Variants in MTHFD2L observed in about 807,000 individuals in gnomAD.
The protein encoded by MTHFD2L is methylenetetrahydrofolate dehydrogenase (NADP+ dependent) 2 like, also known as bifunctional methylenetetrahydrofolate dehydrogenase/cyclohydrolase 2, mitochondrial.
Under a neutral mutation model 34.9 loss-of-function variants are expected in MTHFD2L, and 29 were observed. The ratio of observed to expected loss-of-function variants is 0.83; its 90% CI spans 0.62 to 1.13. The LOEUF is 1.13. MTHFD2L is among the 50% of genes most tolerant of loss of function. The pLI is 0.00. For synonymous variants in MTHFD2L, 167 were observed against 155.7 expected, an observed-to-expected ratio of 1.07 and a Z score of -0.54; for missense variants, 481 against 446.5, an observed-to-expected ratio of 1.08 and a Z score of -0.70.
intron 3 of MTHFD2L, among the ~76,000 whole-genome samples, chr4:74,192,773 T>C (rs1732778844): frequency 6.6e-6 from 1 of 152,048 alleles, no homozygotes. Context: ...TTTAAAATGT[T>C]ATTTATTAAA....
intron 5 of MTHFD2L, among the ~76,000 whole-genome samples, chr4:74,205,447 C>T (rs564707371): frequency 5.9e-5 from 9 of 152,180 alleles, no homozygotes; most frequent in South Asian, 2.1e-4. Context: ...CCTAGTGATT[C>T]GTTTTTGTCT....
At chr4:74,206,669 A>G (rs999220493) in intron 5 of MTHFD2L, among the ~76,000 whole-genome samples, 9 of 151,956 alleles carry the variant, frequency 5.9e-5, no homozygotes, top group Non-Finnish European at 1.2e-4. Flanking sequence ...ACTTATTTGT[A>G]TGTAGTCATC....
At chr4:74,218,937 C>G (rs1276611341) in intron 5 of MTHFD2L, among the ~76,000 whole-genome samples, 1 of 151,664 alleles carries the variant, frequency 6.6e-6, no homozygotes, top group Non-Finnish European at 1.5e-5. Flanking sequence ...TCTGTGGATT[C>G]AACTATCTAT....
chr4:74,156,556 A>T (rs912971882), upstream of MTHFD2L: 1 of 152,246 alleles, frequency 6.6e-6, no homozygotes, highest in African/African-American at 2.4e-5. Context: ...TTTTAAAATC[A>T]GTTGGGTAAA....
intron 1 of MTHFD2L, among the ~76,000 whole-genome samples, chr4:74,146,925 G>A (rs490645): frequency 0.99 from 149,812 of 152,050 alleles, 73,844 homozygotes; most frequent in East Asian, 1. Flanking sequence ...CTATTCTGCT[G>A]TTGAGAACTT....
chr4:74,246,313 T>G (rs1411653771), intron 6 of MTHFD2L, among the ~76,000 whole-genome samples: 2 of 151,888 alleles, frequency 1.3e-5, no homozygotes, highest in African/African-American at 4.8e-5. Context: ...TTGCCCACTT[T>G]TTGATGGGGT....
chr4:74,262,148 A>G (rs991087639), intron 6 of MTHFD2L, among the ~76,000 whole-genome samples: 5 of 151,970 alleles, frequency 3.3e-5, no homozygotes, highest in Admixed American at 2.6e-4. Flanking sequence ...AAAACTAAAT[A>G]CTTCAATCAA....
At chr4:74,123,862 G>C (rs1721888563), upstream of MTHFD2L, among the ~76,000 whole-genome samples, 1 of 152,022 alleles carries the variant, frequency 6.6e-6, no homozygotes, top group African/African-American at 2.4e-5. Context: ...ATGCCTACTG[G>C]CCCTAATGCA....
intron 6 of MTHFD2L, among the ~76,000 whole-genome samples, chr4:74,244,661 C>G (rs185548389): frequency 4.6e-5 from 7 of 152,268 alleles, no homozygotes; most frequent in Admixed American, 4.6e-4. Context: ...GGAATCCACT[C>G]AAAATGCAAG....
chr4:74,281,162 G>A (rs1306588088), intron 6 of MTHFD2L, among the ~76,000 whole-genome samples: 3 of 152,058 alleles, frequency 2.0e-5, no homozygotes, highest in Non-Finnish European at 4.4e-5. Context: ...GCTCAAGCAG[G>A]TATCCCTGTG....
intron 7 of MTHFD2L, among the ~76,000 whole-genome samples, chr4:74,291,691 T>G (rs1748983772): frequency 6.6e-6 from 1 of 152,200 alleles, no homozygotes; most frequent in African/African-American, 2.4e-5. Context: ...GGAAAGTAGT[T>G]TGGCACTGCT....
intron 3 of MTHFD2L, among the ~76,000 whole-genome samples, chr4:74,190,757 G>A (rs1309923086): frequency 6.6e-6 from 1 of 152,150 alleles, no homozygotes; most frequent in Non-Finnish European, 1.5e-5. Context: ...AGTGAACACA[G>A]TTTCCAAAAG....
At chr4:74,272,911 A>G (rs1015087074) in intron 6 of MTHFD2L, among the ~76,000 whole-genome samples, 4 of 152,160 alleles carry the variant, frequency 2.6e-5, no homozygotes, top group Admixed American at 2.0e-4. Flanking sequence ...TTCTTTGCTT[A>G]TAGGACTGAA....
chr4:74,119,654 G>T (rs1295875168), upstream of MTHFD2L, among the ~76,000 whole-genome samples: 1 of 152,064 alleles, frequency 6.6e-6, no homozygotes, highest in East Asian at 1.9e-4. Context: ...ATGGTGGCGG[G>T]TGTCTGTAGT....
At chr4:74,153,673 A>C (rs1366756660), upstream of MTHFD2L, among the ~76,000 whole-genome samples, 1 of 152,176 alleles carries the variant, frequency 6.6e-6, no homozygotes, top group East Asian at 1.9e-4. Flanking sequence ...AATAAATAAA[A>C]CTTGGATAAA....
intron 6 of MTHFD2L, among the ~76,000 whole-genome samples, chr4:74,230,645 G>A (rs2110137575): frequency 6.6e-6 from 1 of 151,602 alleles, no homozygotes; most frequent in South Asian, 2.1e-4. Context: ...GGTGAAGAAA[G>A]AGTAAGGAGA....
chr4:74,116,198 C>T (rs1298724473), intron 2 of MTHFD2L, among the ~76,000 whole-genome samples: 5 of 152,148 alleles, frequency 3.3e-5, no homozygotes, highest in African/African-American at 7.2e-5. Context: ...TGCATCAGAA[C>T]GCTGAGTGAG....
intron 3 of MTHFD2L, among the ~76,000 whole-genome samples, chr4:74,184,660 C>G (rs1320292683): frequency 6.6e-6 from 1 of 151,994 alleles, no homozygotes; most frequent in Admixed American, 6.6e-5. Flanking sequence ...TGATATCAAC[C>G]AATTTGACAT....
chr4:74,276,404 A>G (rs1243914946), intron 6 of MTHFD2L, among the ~76,000 whole-genome samples: 2 of 152,122 alleles, frequency 1.3e-5, no homozygotes, highest in Non-Finnish European at 2.9e-5. Flanking sequence ...CTCACATATA[A>G]TGCTTGAGCC....
Sources: gnomAD v4.1 joint callset for allele counts (sites outside exome capture counted in the v4.1 genomes callset) on GRCh38, gnomAD v4.1.1 for gene constraint, MANE v1.5 for transcripts, NCBI Gene and HGNC (gene_info 2026-07-23, HGNC 2026-07-21) for gene names.